Variants in CRYBA4 observed in about 807,000 individuals in gnomAD.
CRYBA4 encodes the protein crystallin beta A4, also known as beta-crystallin A4.
CRYBA4 carries 30 observed loss-of-function variants against 31.7 expected under a neutral mutation model. The ratio of observed to expected loss-of-function variants is 0.95; its 90% CI spans 0.71 to 1.28. CRYBA4 has a LOEUF of 1.28. CRYBA4 is among the 50% of genes most tolerant of loss of function. The pLI is 0.00. For missense variants in CRYBA4, 225 were observed against 260.7 expected, an observed-to-expected ratio of 0.86 and a Z score of 0.94; for synonymous variants, 102 against 102.3, an observed-to-expected ratio of 1.00 and a Z score of 0.02.
the CRYBA4 span, among the ~76,000 whole-genome samples, chr22:26,590,853 G>T: frequency 6.6e-6 from 1 of 152,052 alleles, no homozygotes; most frequent in South Asian, 2.1e-4. Context: ...CAAAACTCCT[G>T]ACTGATAAAT....
intron 3 of CRYBA4, among the ~76,000 whole-genome samples, 192 bp downstream of exon 3, chr22:26,623,544 G>A (rs1469862469): frequency 6.6e-6 from 1 of 152,082 alleles, no homozygotes; most frequent in Middle Eastern, 3.2e-3. Context: ...ACAGTAGGAG[G>A]GTGCCATTTA....
chr22:26,596,888 A>G, the CRYBA4 span, among the ~76,000 whole-genome samples: 2,115 of 152,334 alleles, frequency 0.014, 14 homozygotes, highest in Non-Finnish European at 0.021. Flanking sequence ...GTCGTTTTAT[A>G]GAAGAGAAAA....
At chr22:26,617,475 T>C (rs1488041145), upstream of CRYBA4, among the ~76,000 whole-genome samples, 1 of 152,172 alleles carries the variant, frequency 6.6e-6, no homozygotes, top group Non-Finnish European at 1.5e-5. Flanking sequence ...GTGCCCCCTG[T>C]TCACCAGGGG....
the CRYBA4 span, among the ~76,000 whole-genome samples, chr22:26,590,379 G>T: frequency 6.6e-6 from 1 of 152,218 alleles, no homozygotes; most frequent in Non-Finnish European, 1.5e-5. Flanking sequence ...TTCTGTTTAA[G>T]AGAAGTTCCT....
the CRYBA4 span, chr22:26,612,022 G>T: frequency 6.7e-6 from 9 of 1,344,544 alleles, no homozygotes; most frequent in South Asian, 1.0e-4. Flanking sequence ...ACTGTTGTGT[G>T]GTCATTTTAC....
chr22:26,603,816 C>T, the CRYBA4 span, among the ~76,000 whole-genome samples: 2 of 151,834 alleles, frequency 1.3e-5, no homozygotes, highest in East Asian at 1.9e-4. Context: ...CCCAGCTACT[C>T]AGGAGGCTGA....
chr22:26,628,306 C>G lies in CRYBA4; in HGVS notation c.319C>G (p.Leu107Val), dbSNP rs1156803281. The change falls in exon 5 of 6, where the codon CTG becomes GTG. Residue 107 changes from leucine (L) to valine (V), a missense_variant. Coordinates refer to ENST00000354760, the MANE Select transcript of CRYBA4 (RefSeq NM_001886.3). ...CCTGTAGAACCACCGTGACTCGAGGCTGACAATCTTCGAGCAAGAGAACTT... is the reference window on the plus strand; with the variant it reads ...CCTGTAGAACCACCGTGACTCGAGGGTGACAATCTTCGAGCAAGAGAACTT... ...AACANHRDSR[L>V]TIFEQENFLG... 6.2e-7 allele frequency: 1 copy of G among 1,613,998 alleles called. No individual in the cohort carries two copies. The highest frequency in any genetic ancestry group is 1.7e-5 in the Admixed American group (1 of 60,020).
intron 4 of CRYBA4, among the ~76,000 whole-genome samples, chr22:26,626,590 A>C (rs1929711128): frequency 6.6e-6 from 1 of 152,272 alleles, no homozygotes; most frequent in South Asian, 2.1e-4. Flanking sequence ...TGGGACCAGA[A>C]GTGTTTTGGA....
At chr22:26,620,534 C>A (rs936427396), upstream of CRYBA4, among the ~76,000 whole-genome samples, 3 of 151,056 alleles carry the variant, frequency 2.0e-5, no homozygotes, top group Non-Finnish European at 4.4e-5. Context: ...TCATGCCAAC[C>A]CTTCATCAAA....
At chr22:26,625,114 G>A (rs1359320473) in intron 3 of CRYBA4, among the ~76,000 whole-genome samples, 2 of 152,208 alleles carry the variant, frequency 1.3e-5, no homozygotes, top group Non-Finnish European at 2.9e-5. Flanking sequence ...GGAGGAGCAA[G>A]GTTGTCAGGG....
chr22:26,598,134 C>T, the CRYBA4 span, among the ~76,000 whole-genome samples: 5 of 152,100 alleles, frequency 3.3e-5, no homozygotes, highest in African/African-American at 7.2e-5. Context: ...CTGCCTGCCT[C>T]GGCCTCCCGA....
chr22:26,595,210 T>G, the CRYBA4 span, among the ~76,000 whole-genome samples: 1 of 152,228 alleles, frequency 6.6e-6, no homozygotes, highest in Non-Finnish European at 1.5e-5. Flanking sequence ...TGACTTTAAT[T>G]GTTATTTTCT....
At chr22:26,603,702 G>A in the CRYBA4 span, among the ~76,000 whole-genome samples, 3 of 150,850 alleles carry the variant, frequency 2.0e-5, no homozygotes, top group Admixed American at 6.6e-5. Flanking sequence ...TCAGGAGTTC[G>A]AGACCAGCCT....
chr22:26,617,598 CT>C (rs1929397936), upstream of CRYBA4, among the ~76,000 whole-genome samples: 1 of 151,624 alleles, frequency 6.6e-6, no homozygotes, highest in Admixed American at 6.6e-5. Context: ...CTGCTTCACC[CT>C]CTCCCTCTGT....
the CRYBA4 span, among the ~76,000 whole-genome samples, chr22:26,608,405 C>T: frequency 2.0e-5 from 3 of 148,730 alleles, no homozygotes; most frequent in Admixed American, 2.1e-4. Context: ...AACTTGACGC[C>T]AGCTAGGAGA....
At chr22:26,622,970 T>C (rs908798142) in intron 2 of CRYBA4, among the ~76,000 whole-genome samples, 6 of 152,242 alleles carry the variant, frequency 3.9e-5, no homozygotes, top group Admixed American at 3.9e-4. Context: ...AGTCCAGATC[T>C]AGTGATTGTC....
intron 2 of CRYBA4, 119 bp from the exon 3 acceptor site, chr22:26,623,115 T>C (rs1351622037): frequency 1.2e-6 from 1 of 845,328 alleles, no homozygotes; most frequent in African/African-American, 1.7e-5. Context: ...TCCTGGCTCC[T>C]GGAGGAATCT....
At chr22:26,618,178 C>G (rs1442618627), upstream of CRYBA4, 1 of 153,172 alleles carries the variant, frequency 6.5e-6, no homozygotes, top group Non-Finnish European at 1.5e-5. Context: ...GACAGCAGCA[C>G]TTTCCTTTGT....
upstream of CRYBA4, among the ~76,000 whole-genome samples, chr22:26,617,282 C>T (rs1043185584): frequency 3.9e-5 from 6 of 152,104 alleles, no homozygotes; most frequent in East Asian, 1.9e-4. Flanking sequence ...ACTTTGTCCC[C>T]GGACAAAAAT....
Sources: gnomAD v4.1 joint callset for allele counts (sites outside exome capture counted in the v4.1 genomes callset) on GRCh38, gnomAD v4.1.1 for gene constraint, MANE v1.5 for transcripts, NCBI Gene and HGNC (gene_info 2026-07-23, HGNC 2026-07-21) for gene names.